The following NTM variants were observed in gnomAD, a reference collection of about 807,000 sequenced individuals.
NTM encodes the protein neurotrimin.
NTM carries 13 observed loss-of-function variants against 42.1 expected under a neutral mutation model. That is an observed-to-expected ratio of 0.31 (90% CI 0.20 to 0.49). The LOEUF is 0.49. Ranked by LOEUF, NTM falls within the 20% of genes least tolerant of loss-of-function variation. The pLI, the probability that NTM is intolerant of heterozygous loss-of-function variation, is 0.99. For synonymous variants in NTM, 187 were observed against 179.2 expected (o/e 1.04, Z -0.35); for missense variants, 373 against 452.8 (o/e 0.82, Z 1.60).
At position 131,935,619 on chromosome 11, in the gene NTM, G is replaced by A. The variant is rs929914339; in HGVS notation, c.167+23971G>A. Among the ~76,000 whole-genome samples, 3 of 151,990 alleles carry A rather than the reference G, an allele frequency of 2.0e-5. No individual in the cohort carries two copies. In the South Asian group the frequency reaches 6.2e-4, roughly 32 times the overall value. On this transcript the variant is annotated intron_variant, in intron 2 of 8. Coordinates refer to ENST00000683400, the MANE Select transcript of NTM (RefSeq NM_001352005.2). ...GGATAGGTGGGGGAGGGAAGGGGAG[G>A]GTTCCCTGGCCTGTTTTATCAGATT...
chr11:131,450,906 A>C (rs147450761), intron 1 of NTM, among the ~76,000 whole-genome samples: 2,137 of 152,248 alleles, frequency 0.014, 22 homozygotes, highest in Non-Finnish European at 0.016. Context: ...TGAATAAATA[A>C]ACCTTTTTTT....
intron 1 of NTM, among the ~76,000 whole-genome samples, chr11:131,553,133 T>C (rs912216134): frequency 6.6e-5 from 10 of 152,052 alleles, no homozygotes; most frequent in Admixed American, 5.9e-4. Flanking sequence ...ACAGGAGTTA[T>C]GCTTTGTAAG....
intron 1 of NTM, among the ~76,000 whole-genome samples, chr11:131,669,505 T>G (rs943548746): frequency 1.3e-5 from 2 of 152,140 alleles, no homozygotes; most frequent in Non-Finnish European, 2.9e-5. Flanking sequence ...GAGTGAAGGT[T>G]GTAGAGCTGG....
Position 131,421,621 on chromosome 11 carries a change from C to T in NTM, c.82+50733C>T, listed in dbSNP as rs183197556. On this transcript the variant is annotated intron_variant, in intron 1 of 8. Coordinates refer to ENST00000683400, the MANE Select transcript of NTM (RefSeq NM_001352005.2). ...CATGGAGGAGATGACGGGGAGGTGA[C>T]GTGGGTCAAGATTTAGACTCTCCCT... is the stretch of plus-strand genomic sequence containing the variant. Among the ~76,000 whole-genome samples the T allele has an allele frequency of 3.4e-3, 515 of 152,270 alleles. 1 individual carries two copies. Among genetic ancestry groups the T allele is most frequent in the Non-Finnish European group, 5.2e-3 (356 of 68,020 alleles).
intron 4 of NTM, among the ~76,000 whole-genome samples, chr11:132,247,322 G>T (rs776960580): frequency 6.6e-5 from 10 of 152,188 alleles, no homozygotes; most frequent in African/African-American, 2.2e-4. Flanking sequence ...CAATGTTGCC[G>T]CTTAGTTGCT....
At chr11:131,734,721 C>A (rs1015178552) in intron 1 of NTM, among the ~76,000 whole-genome samples, 4 of 152,180 alleles carry the variant, frequency 2.6e-5, no homozygotes, top group Non-Finnish European at 5.9e-5. Flanking sequence ...ATTGTTGCCA[C>A]TATGAACATC....
At position 131,721,787 on chromosome 11, in the gene NTM, G is replaced by A. The variant is rs980080782; in HGVS notation, c.83-189777G>A. Among the ~76,000 whole-genome samples, 8 of 151,688 alleles carry A rather than the reference G, an allele frequency of 5.3e-5. No homozygotes were observed. The South Asian group carries it at 1.3e-3, about 24-fold the overall frequency. ...CAAGGTGGGAGGATCGTCTGAGGTC[G>A]GGAGTTTGAGACCAGCCTGACCAAC... On this transcript the variant is annotated intron_variant, in intron 1 of 8. Coordinates refer to ENST00000683400, the MANE Select transcript of NTM (RefSeq NM_001352005.2).
chr11:131,794,938 GA>G (rs1290519341), intron 1 of NTM: 1 of 985,154 alleles, frequency 1.0e-6, no homozygotes, highest in African/African-American at 1.7e-5. Context: ...GGAGTTAGGG[GA>G]ACCTGAACCC....
At chr11:131,899,036 G>C (rs538401710) in intron 1 of NTM, among the ~76,000 whole-genome samples, 1 of 152,286 alleles carries the variant, frequency 6.6e-6, no homozygotes, top group African/African-American at 2.4e-5. Context: ...GATGCATTGA[G>C]GTGGCTAGAA....
At chr11:131,697,287 C>G (rs2075572148) in intron 1 of NTM, among the ~76,000 whole-genome samples, 1 of 152,240 alleles carries the variant, frequency 6.6e-6, no homozygotes, top group Non-Finnish European at 1.5e-5. Flanking sequence ...TTGGAGACCA[C>G]TGAGGGCTGC....
intron 1 of NTM, among the ~76,000 whole-genome samples, chr11:131,786,206 G>T (rs1379849978): frequency 2.6e-5 from 4 of 152,166 alleles, no homozygotes; most frequent in Non-Finnish European, 4.4e-5. Flanking sequence ...TTTAAGACAG[G>T]TCTTGGAGCT....
At chr11:132,172,299 C>T (rs1245230355) in intron 3 of NTM, among the ~76,000 whole-genome samples, 3 of 152,168 alleles carry the variant, frequency 2.0e-5, no homozygotes, top group African/African-American at 7.2e-5. Flanking sequence ...TGATAATGTC[C>T]ACATAGTCAA....
At chr11:131,725,630 T>A (rs2078870520) in intron 1 of NTM, among the ~76,000 whole-genome samples, 1 of 150,592 alleles carries the variant, frequency 6.6e-6, no homozygotes, top group African/African-American at 2.4e-5. Flanking sequence ...TGGAGGGGAG[T>A]AAGAGGAAGG....
chr11:132,170,773 T>TA (rs1277801460), intron 3 of NTM, among the ~76,000 whole-genome samples: 16 of 152,048 alleles, frequency 1.1e-4, no homozygotes, highest in African/African-American at 2.7e-4. Context: ...GCATTCAATT[T>TA]AAAAAAAATA....
intron 1 of NTM, among the ~76,000 whole-genome samples, chr11:131,887,735 G>T (rs934412247): frequency 2.0e-5 from 3 of 152,164 alleles, no homozygotes; most frequent in Non-Finnish European, 4.4e-5. Flanking sequence ...TCCCCATTAA[G>T]TTATGAGCCA....
intron 1 of NTM, among the ~76,000 whole-genome samples, chr11:131,514,510 T>TCTGTATTTTCCTTA (rs2048646280): frequency 1.3e-5 from 2 of 152,216 alleles, no homozygotes; most frequent in Admixed American, 1.3e-4. Flanking sequence ...AATTCAGGTA[T>TCTGTATTTTCCTTA]CTGTATTTTC....
intron 1 of NTM, among the ~76,000 whole-genome samples, chr11:131,898,619 C>T (rs924977938): frequency 6.6e-6 from 1 of 152,198 alleles, no homozygotes; most frequent in Non-Finnish European, 1.5e-5. Flanking sequence ...CCTGATGTAA[C>T]ACGCCACCTA....
chr11:131,371,673 G>A (rs563905474), intron 1 of NTM, among the ~76,000 whole-genome samples: 71 of 152,250 alleles, frequency 4.7e-4, no homozygotes, highest in African/African-American at 1.7e-3. Flanking sequence ...TTTGGAATCG[G>A]CCTCCACCTT....
intron 2 of NTM, among the ~76,000 whole-genome samples, chr11:132,020,718 C>T (rs1463258920): frequency 6.6e-6 from 1 of 152,072 alleles, no homozygotes; most frequent in Non-Finnish European, 1.5e-5. Context: ...ATCCCATTGC[C>T]TTGGCCTTCA....
Sources: allele counts gnomAD v4.1 joint callset (sites outside exome capture counted in the v4.1 genomes callset), GRCh38; gene constraint gnomAD v4.1.1; transcripts MANE v1.5; gene names NCBI Gene and HGNC (gene_info 2026-07-23, HGNC 2026-07-21).